The following CCDC38 variants were observed in gnomAD, a reference collection of about 807,000 sequenced individuals.
CCDC38 encodes the protein coiled-coil domain-containing protein 38.
A neutral mutation model predicts 72.8 loss-of-function variants in CCDC38; 69 were observed. The observed-to-expected ratio is 0.95, with a 90% CI of 0.78 to 1.16. The LOEUF (loss-of-function observed/expected upper bound fraction) is 1.16. Among genes scored for constraint, CCDC38 ranks in the 50% most tolerant of loss-of-function variants. The pLI is 0.00. For synonymous variants in CCDC38, 201 were observed against 213.2 expected, an observed-to-expected ratio of 0.94 and a Z score of 0.50; for missense variants, 626 against 638.9, an observed-to-expected ratio of 0.98 and a Z score of 0.22.
rs1345153610 is a variant in CCDC38 at position 95,927,886 on chromosome 12, T to C, written c.37+8587A>G. On this transcript the variant is annotated intron_variant, in intron 2 of 15. Transcript: ENST00000344280. ...TTGGCCCCCACTCTCTTCTGGCTTG[T>C]AGGGTTTCTGCCGAGAGATCCACTG... 3.3e-5 allele frequency among the ~76,000 whole-genome samples: 5 copies of C among 150,168 alleles called. No homozygotes were observed. The East Asian group carries it at 9.8e-4, about 29-fold the overall frequency.
intron 11 of CCDC38, 105 bp downstream of exon 11, chr12:95,881,380 T>A (rs907950724): frequency 1.3e-6 from 1 of 797,540 alleles, no homozygotes; most frequent in African/African-American, 1.8e-5. Context: ...TTCTGGAAGG[T>A]TTGTGCAATA....
At chr12:95,927,908 A>G (rs374089050) in intron 2 of CCDC38, among the ~76,000 whole-genome samples, 7 of 149,986 alleles carry the variant, frequency 4.7e-5, no homozygotes, top group African/African-American at 7.4e-5. Context: ...CGAGAGATCC[A>G]CTGTTAGTCT....
intron 10 of CCDC38, 43 bp from the exon 11 acceptor site, chr12:95,881,597 C>T (rs1165078046): frequency 1.3e-6 from 2 of 1,516,306 alleles, no homozygotes; most frequent in Non-Finnish European, 1.8e-6. Context: ...ATTTGTGAGC[C>T]ATTTTCTGTC....
chr12:95,873,114 C>T (rs1048622095), intron 13 of CCDC38, among the ~76,000 whole-genome samples: 2 of 152,122 alleles, frequency 1.3e-5, no homozygotes, highest in South Asian at 2.1e-4. Context: ...TTTTGCCACT[C>T]GGATGCATTT....
chr12:95,910,709 A>T (rs986054633), intron 4 of CCDC38, among the ~76,000 whole-genome samples: 3 of 152,126 alleles, frequency 2.0e-5, no homozygotes, highest in African/African-American at 7.2e-5. Context: ...CAAAAAAATT[A>T]AAAAATTAGT....
intron 4 of CCDC38, among the ~76,000 whole-genome samples, chr12:95,913,879 C>T (rs1270345685): frequency 6.6e-6 from 1 of 152,096 alleles, no homozygotes; most frequent in Admixed American, 6.5e-5. Flanking sequence ...TCTGCACCCA[C>T]CGAGAACTTC....
chr12:95,881,598 A>C (rs1418223460), intron 10 of CCDC38, 44 bp from the exon 11 acceptor site: 1 of 1,518,590 alleles, frequency 6.6e-7, no homozygotes, highest in Non-Finnish European at 9.1e-7. Flanking sequence ...TTTGTGAGCC[A>C]TTTTCTGTCA....
intron 13 of CCDC38, among the ~76,000 whole-genome samples, chr12:95,876,488 A>C (rs2079636733): frequency 6.6e-6 from 1 of 152,228 alleles, no homozygotes; most frequent in African/African-American, 2.4e-5. Context: ...GTTCCACAAC[A>C]TTGAGAATGT....
intron 2 of CCDC38, among the ~76,000 whole-genome samples, chr12:95,922,116 G>GCTTTCTACA (rs1279289680): frequency 3.9e-5 from 6 of 152,170 alleles, no homozygotes; most frequent in African/African-American, 1.4e-4. Flanking sequence ...AGTGGGAGTG[G>GCTTTCTACA]CTGGGATTAT....
chr12:95,936,654 T>C (rs1294428369), intron 1 of CCDC38, 131 bp from the exon 2 acceptor site: 12 of 582,072 alleles, frequency 2.1e-5, no homozygotes, highest in Non-Finnish European at 2.3e-5. Context: ...ACATACTCTT[T>C]GACCCAGCAA....
chr12:95,910,333 A>AC (rs71091219), intron 4 of CCDC38, among the ~76,000 whole-genome samples: 3 of 150,016 alleles, frequency 2.0e-5, no homozygotes, highest in Non-Finnish European at 4.5e-5. Context: ...ACACACACAC[A>AC]AAATACCTAT....
At chr12:95,913,422 G>A (rs943622991) in intron 4 of CCDC38, among the ~76,000 whole-genome samples, 1 of 152,196 alleles carries the variant, frequency 6.6e-6, no homozygotes, top group Non-Finnish European at 1.5e-5. Context: ...TTGCCTCCAG[G>A]AAGAAGCTTC....
At chr12:95,895,633 A>G (rs779415820) in intron 7 of CCDC38, among the ~76,000 whole-genome samples, 1 of 151,740 alleles carries the variant, frequency 6.6e-6, no homozygotes, top group Non-Finnish European at 1.5e-5. Context: ...GGCGCCTGTA[A>G]TCCCAGCTAC....
At chr12:95,927,826 G>A (rs1176863899) in intron 2 of CCDC38, among the ~76,000 whole-genome samples, 1 of 148,862 alleles carries the variant, frequency 6.7e-6, no homozygotes, top group East Asian at 2.0e-4. Context: ...ATGAAATTCT[G>A]GGTTGAAAAT....
Position 95,917,302 on chromosome 12 carries a change from A to G in CCDC38, c.139-8T>C. 1.3e-6 allele frequency: 2 copies of G among 1,579,772 alleles called. No homozygotes were observed. Among genetic ancestry groups the G allele is most frequent in the Admixed American group, 2.1e-5 (1 of 48,598 alleles). The stretch of plus-strand genomic sequence containing the variant: ...ACGGTTCATAAATTTTTCCTGCCCA[A>G]GTGGAAAAGTTGAAAAGAATTTTTA... On this transcript the variant is annotated splice_region_variant and splice_polypyrimidine_tract_variant and intron_variant, in intron 3 of 15. Transcript: ENST00000344280.
At chr12:95,936,031 T>C (rs886866520) in intron 2 of CCDC38, among the ~76,000 whole-genome samples, 13 of 151,928 alleles carry the variant, frequency 8.6e-5, no homozygotes, top group African/African-American at 3.1e-4. Context: ...TGAACCAAGA[T>C]TGCGCCAATG....
chr12:95,936,940 A>G (rs2080400800), intron 1 of CCDC38, among the ~76,000 whole-genome samples: 1 of 152,248 alleles, frequency 6.6e-6, no homozygotes, highest in Admixed American at 6.5e-5. Context: ...TTGAAATGCC[A>G]TTCATCAAAC....
intron 2 of CCDC38, among the ~76,000 whole-genome samples, chr12:95,925,249 C>A (rs544638751): frequency 2.6e-5 from 4 of 152,216 alleles, no homozygotes; most frequent in African/African-American, 9.6e-5. Flanking sequence ...TTGAAGAGGT[C>A]CTTCACATCC....
intron 2 of CCDC38, among the ~76,000 whole-genome samples, chr12:95,928,794 G>A (rs946640436): frequency 6.6e-5 from 10 of 152,050 alleles, no homozygotes; most frequent in South Asian, 2.1e-4. Context: ...TGGAGTACCC[G>A]GCCGTGTGAG....
Sources: allele counts gnomAD v4.1 joint callset (sites outside exome capture counted in the v4.1 genomes callset), GRCh38; gene constraint gnomAD v4.1.1; transcripts MANE v1.5; gene names NCBI Gene and HGNC (gene_info 2026-07-23, HGNC 2026-07-21).